ZNF875: variants seen among roughly 807,000 people sequenced by gnomAD.
ZNF875 encodes the protein zinc finger protein 875, also known as HKR1, GLI-Kruppel zinc finger family member.
ZNF875 carries 14 observed loss-of-function variants against 11.2 expected under a neutral mutation model. That is an observed-to-expected ratio of 1.26 (90% CI 0.83 to 1.96). ZNF875 has a LOEUF of 1.96. ZNF875 is among the 30% of genes most tolerant of loss of function. The pLI is 0.00. For synonymous variants in ZNF875, 301 were observed against 281.1 expected, an observed-to-expected ratio of 1.07 and a Z score of -0.71; for missense variants, 752 against 760.4, an observed-to-expected ratio of 0.99 and a Z score of 0.13.
chr19:37,359,927 T>C (rs894766787), intron 4 of ZNF875, among the ~76,000 whole-genome samples: 1 of 152,178 alleles, frequency 6.6e-6, no homozygotes, highest in Non-Finnish European at 1.5e-5. Flanking sequence ...AAGTTTTAAA[T>C]GCTGATTAAG....
At position 37,347,254 on chromosome 19, in the gene ZNF875, C is replaced by T. The variant is rs2036977858; in HGVS notation, c.98C>T (p.Pro33Leu). The T allele has an allele frequency of 6.2e-7, 1 of 1,614,104 alleles. No homozygotes were observed. The highest frequency in any genetic ancestry group is 8.5e-7 in the Non-Finnish European group (1 of 1,179,984). ...CAGGAGGAGTGGAGGTTGTTGAGCC[C>T]TGCTCAGAGGACCCTGCACAGGGAG... ...FTQEEWRLLS[P>L]AQRTLHREVM... Residue 33 changes from proline (P) to leucine (L), a missense_variant, in exon 3 of 5, where the codon CCT (proline) becomes CTT (leucine). Physicochemically the swap from Pro to Leu is moderately conservative, Grantham distance 98 (BLOSUM62 -3). Transcript: ENST00000392153.
At chr19:37,342,799 G>A (rs1428972237) in intron 2 of ZNF875, among the ~76,000 whole-genome samples, 1 of 152,122 alleles carries the variant, frequency 6.6e-6, no homozygotes, top group Non-Finnish European at 1.5e-5. Context: ...CCAAGTTCAT[G>A]CAGGCAATAG....
chr19:37,329,081 A>C (rs1286067425), intron 4 of ZNF875: 2 of 152,146 alleles, frequency 1.3e-5, no homozygotes, highest in Non-Finnish European at 1.5e-5. Context: ...CTGATGCACA[A>C]AGAAACGTGA....
upstream of ZNF875, among the ~76,000 whole-genome samples, chr19:37,332,744 A>T (rs906479627): frequency 3.3e-5 from 5 of 151,962 alleles, no homozygotes; most frequent in African/African-American, 1.2e-4. Flanking sequence ...GCTGATTTTT[A>T]TCTATGCTAA....
At chr19:37,355,679 G>T (rs2038782441) in intron 4 of ZNF875, among the ~76,000 whole-genome samples, 1 of 152,072 alleles carries the variant, frequency 6.6e-6, no homozygotes, top group South Asian at 2.1e-4. Flanking sequence ...CTAGTCCAAG[G>T]TTAGTTAGTT....
chr19:37,347,050 C>T (rs1463710999), intron 2 of ZNF875, 140 bp from the exon 3 acceptor site: 3 of 1,000,590 alleles, frequency 3.0e-6, no homozygotes, highest in Admixed American at 1.9e-5. Flanking sequence ...CTCTCGACCT[C>T]AGGTGATCCG....
At chr19:37,321,455 A>G (rs1356421025) in intron 1 of ZNF875, among the ~76,000 whole-genome samples, 1 of 152,060 alleles carries the variant, frequency 6.6e-6, no homozygotes, top group South Asian at 2.1e-4. Flanking sequence ...CTATTACCCT[A>G]TTGTCCTGCC....
At chr19:37,329,367 A>C (rs1005664625) in intron 4 of ZNF875, among the ~76,000 whole-genome samples, 2 of 152,144 alleles carry the variant, frequency 1.3e-5, no homozygotes, top group African/African-American at 2.4e-5. Context: ...CTACTGCTGC[A>C]GGCTATGGAT....
At position 37,350,799 on chromosome 19, in the gene ZNF875, C is replaced by CTTT. The variant is rs61142979; in HGVS notation, c.256+2947_256+2949dup. Among the ~76,000 whole-genome samples, 377 of 91,182 alleles carry CTTT rather than the reference C, an allele frequency of 4.1e-3. 4 individuals are homozygous for CTTT. The highest frequency in any genetic ancestry group is 7.8e-3 in the Middle Eastern group (1 of 128). 59.8% of individuals were successfully genotyped at this position (91,182 alleles called of 152,430 possible). On this transcript the variant is annotated intron_variant, in intron 4 of 4. Transcript: ENST00000392153. ...TTCCCCATCACTATAATTCTTTTTGCTTTTTTTTTTTTTTTTTTTTTTGAG... is the reference window on the plus strand; with the variant it reads ...TTCCCCATCACTATAATTCTTTTTGCTTTTTTTTTTTTTTTTTTTTTTTTTGAG...
intron 1 of ZNF875, among the ~76,000 whole-genome samples, chr19:37,318,813 G>T (rs180990690): frequency 6.6e-6 from 1 of 151,678 alleles, no homozygotes; most frequent in East Asian, 2.0e-4. Flanking sequence ...GAGCCACCGC[G>T]CCCAGCTTAT....
intron 4 of ZNF875, chr19:37,328,473 C>T (rs1439527776): frequency 6.6e-6 from 1 of 152,190 alleles, no homozygotes; most frequent in African/African-American, 2.4e-5. Flanking sequence ...GGTTAGTTAT[C>T]TTGGGAGGGG....
At chr19:37,346,861 CATT>C (rs1389664424) in intron 2 of ZNF875, 1 of 263,650 alleles carries the variant, frequency 3.8e-6, no homozygotes, top group Non-Finnish European at 6.9e-6. Flanking sequence ...TTTGACCTCT[CATT>C]CTTTTTTTTT....
At chr19:37,319,614 G>T (rs936933518) in intron 1 of ZNF875, among the ~76,000 whole-genome samples, 73 of 151,824 alleles carry the variant, frequency 4.8e-4, no homozygotes, top group Non-Finnish European at 1.0e-4. Flanking sequence ...TGTTTTTGTG[G>T]TTATGTGAGA....
upstream of ZNF875, among the ~76,000 whole-genome samples, chr19:37,331,763 C>G (rs2033430720): frequency 7.0e-6 from 1 of 143,458 alleles, no homozygotes; most frequent in South Asian, 2.3e-4. Flanking sequence ...TGAAAGATGG[C>G]CTCGTGGGAA....
rs1005657653 is a variant in ZNF875 at position 37,363,098 on chromosome 19, C to T, written c.1246C>T (p.His416Tyr). Residue 416 changes from histidine to tyrosine, a missense_variant, in exon 5 of 5, where the codon CAC becomes TAC. Physicochemically the swap from His to Tyr is moderately conservative, Grantham distance 83. Coordinates refer to ENST00000392153, the MANE Select transcript of ZNF875 (RefSeq NM_001353803.2). ...KSHLIRHLRT[H>Y]TGEKPYVCTE... is the part of the protein sequence containing the mutation. Reference sequence around the variant, plus strand: ...ACACCTCATCAGACACTTAAGGACACACACAGGAGAGAAGCCTTATGTATG... The same window carrying T: ...ACACCTCATCAGACACTTAAGGACATACACAGGAGAGAAGCCTTATGTATG... 1.2e-6 allele frequency: 2 copies of T among 1,614,012 alleles called. No individual in the cohort carries two copies. The highest frequency in any genetic ancestry group is 1.7e-6 in the Non-Finnish European group (2 of 1,179,994).
chr19:37,325,661 T>A (rs2032310460), intron 4 of ZNF875, among the ~76,000 whole-genome samples: 1 of 151,820 alleles, frequency 6.6e-6, no homozygotes. Context: ...TCCTCCTACC[T>A]CAGCCTTCCA....
intron 4 of ZNF875, among the ~76,000 whole-genome samples, chr19:37,325,654 T>G (rs1352704067): frequency 6.6e-6 from 1 of 151,722 alleles, no homozygotes; most frequent in Non-Finnish European, 1.5e-5. Context: ...CAAGAGATCC[T>G]CCTACCTCAG....
intron 4 of ZNF875, among the ~76,000 whole-genome samples, chr19:37,358,879 T>C (rs759403841): frequency 3.3e-5 from 5 of 151,868 alleles, no homozygotes; most frequent in Admixed American, 6.6e-5. Context: ...AAATTACTTA[T>C]TGTATGTATA....
chr19:37,352,362 T>G (rs1221800544), intron 4 of ZNF875, among the ~76,000 whole-genome samples: 1 of 152,130 alleles, frequency 6.6e-6, no homozygotes, highest in Non-Finnish European at 1.5e-5. Flanking sequence ...TGCTTCAGCC[T>G]CCTGAGTAGC....
Sources: gnomAD v4.1 joint callset for allele counts (sites outside exome capture counted in the v4.1 genomes callset) on GRCh38, gnomAD v4.1.1 for gene constraint, MANE v1.5 for transcripts, NCBI Gene and HGNC (gene_info 2026-07-23, HGNC 2026-07-21) for gene names.